Variants in TMEM9B observed in about 807,000 individuals in gnomAD.
TMEM9B encodes TMEM9 domain family member B, also known as transmembrane protein 9B.
TMEM9B carries 8 observed loss-of-function variants against 23.5 expected under a neutral mutation model. The ratio of observed to expected loss-of-function variants is 0.34; its 90% CI spans 0.20 to 0.61. TMEM9B has a LOEUF of 0.61. Among genes scored for constraint, TMEM9B ranks in the 20% least tolerant of loss-of-function variants. The probability of loss-of-function intolerance (pLI) is 0.78; values close to 1 mark genes in which losing one functional copy is unlikely to be tolerated. For missense variants in TMEM9B, 197 were observed against 252.3 expected, an observed-to-expected ratio of 0.78 and a Z score of 1.49; for synonymous variants, 106 against 96.3, an observed-to-expected ratio of 1.10 and a Z score of -0.59.
At chr11:8,953,143 C>T in intron 4 of TMEM9B, 60 bp downstream of exon 4, 2 of 1,610,238 alleles carry the variant, frequency 1.2e-6, no homozygotes, top group East Asian at 2.2e-5. Context: ...TTCACTTGCA[C>T]TTCACATCGA....
Position 8,964,223 on chromosome 11 carries a change from A to G in TMEM9B, c.91T>C (p.Ser31Pro). 1 of 1,584,294 alleles carries G rather than the reference A, an allele frequency of 6.3e-7. No homozygotes were observed. Among genetic ancestry groups the G allele is most frequent in the Non-Finnish European group, 8.6e-7 (1 of 1,166,206 alleles). The change falls in exon 1 of 5, where the codon TCA (serine) becomes CCA (proline). Residue 31 changes from serine to proline, a missense_variant. Coordinates refer to ENST00000534025, the MANE Select transcript of TMEM9B (RefSeq NM_020644.3). ...GCGGGACTCACCTTGGCGGCGTCTG[A>G]CAGCTGCGCCAGCAGCAGCACGGAA... Reference protein sequence around the residue: ...ALSVLLLAQLSDAAKNFEDVR... With the variant: ...ALSVLLLAQLPDAAKNFEDVR...
intron 3 of TMEM9B, 109 bp downstream of exon 3, chr11:8,956,081 C>T: frequency 1.2e-6 from 1 of 837,406 alleles, no homozygotes; most frequent in Non-Finnish European, 1.8e-6. Context: ...GCCCATTATT[C>T]CTTTTGGGGT....
At chr11:8,964,686 A>G (rs1176648213), upstream of TMEM9B, 3 of 216,148 alleles carry the variant, frequency 1.4e-5, no homozygotes, top group Non-Finnish European at 2.7e-5. Flanking sequence ...TGCGCTGGAA[A>G]GTCCTCCCGC....
At chr11:8,961,978 T>C in intron 2 of TMEM9B, 114 bp downstream of exon 2, 1 of 687,732 alleles carries the variant, frequency 1.5e-6, no homozygotes. Context: ...TTTCACATTT[T>C]TGCTTCAAAT....
At chr11:8,956,545 AAC>A (rs370895564) in intron 2 of TMEM9B, among the ~76,000 whole-genome samples, 4 of 152,186 alleles carry the variant, frequency 2.6e-5, no homozygotes, top group African/African-American at 9.7e-5. Context: ...TGCTACTGTT[AAC>A]AGTTACAAAA....
upstream of TMEM9B, chr11:8,964,615 C>A: frequency 2.0e-6 from 1 of 503,162 alleles, no homozygotes; most frequent in Non-Finnish European, 3.1e-6. Context: ...CCCAGTAGAG[C>A]TTTGCATCTC....
In TMEM9B at chr11:8,957,883, G is replaced by A. The variant is rs1009992403; in HGVS notation, c.198-1585C>T. ...AATTAAAAATTAATTTCAGCCGGGC[G>A]CAGTGGCTCATGCCTGTAATCCCAG... On this transcript the variant is annotated intron_variant, in intron 2 of 4. Transcript: ENST00000534025. The surrounding 1 kb of genome is among the most constrained non-coding windows in gnomAD (Gnocchi z 4.3). Among the ~76,000 whole-genome samples, 3 of 152,280 alleles carry A rather than the reference G, an allele frequency of 2.0e-5. No individual in the cohort carries two copies. Among genetic ancestry groups the A allele is most frequent in the Middle Eastern group, 3.4e-3 (1 of 294 alleles).
chr11:8,962,087 CT>C lies in TMEM9B; in HGVS notation c.197+4del. 1 of 1,550,356 alleles carries C rather than the reference CT, an allele frequency of 6.5e-7. No homozygotes were observed. The highest frequency in any genetic ancestry group is 8.8e-7 in the Non-Finnish European group (1 of 1,137,272). ...GACAGGTAATTCAGTAATCCAGATA[CT>C]TACCAATCTTTCTGAGATATGTTCT... On this transcript the variant is annotated splice_donor_region_variant and intron_variant, in intron 2 of 4. Coordinates refer to ENST00000534025, the MANE Select transcript of TMEM9B (RefSeq NM_020644.3).
At position 8,947,477 on chromosome 11, in the gene TMEM9B, G is replaced by A. The variant is rs941867621; in HGVS notation, c.*843C>T. 1 of 152,580 alleles carries A rather than the reference G, an allele frequency of 6.6e-6. No individual in the cohort carries two copies. The highest frequency in any genetic ancestry group is 2.4e-5 in the African/African-American group (1 of 41,410). The allele number at this position is 152,580 out of a possible 1,614,324, so 9.5% of individuals were successfully genotyped here. A position where few individuals can be genotyped will look rare whatever the true frequency, so the allele number is the denominator to read the frequency against. ...CACGACCGGAAATGCTGACAAATGT[G>A]TATATATTATCAATCCAGGGAGGCT... On this transcript the variant is annotated 3_prime_UTR_variant, in exon 5 of 5. Coordinates refer to ENST00000534025, the MANE Select transcript of TMEM9B (RefSeq NM_020644.3).
chr11:8,954,120 CATT>C (rs751819986), intron 3 of TMEM9B, among the ~76,000 whole-genome samples: 3 of 152,104 alleles, frequency 2.0e-5, no homozygotes, highest in Non-Finnish European at 4.4e-5. Context: ...ACATCAAAAA[CATT>C]GTGCTAAATG....
chr11:8,954,123 T>G (rs371626668), intron 3 of TMEM9B, among the ~76,000 whole-genome samples: 1 of 152,118 alleles, frequency 6.6e-6, no homozygotes, highest in East Asian at 1.9e-4. Context: ...TCAAAAACAT[T>G]GTGCTAAATG....
chr11:8,952,443 T>C (rs1853903796), intron 4 of TMEM9B, among the ~76,000 whole-genome samples: 3 of 152,082 alleles, frequency 2.0e-5, no homozygotes, highest in Non-Finnish European at 2.9e-5. Context: ...ACAGGCTTCT[T>C]GCTGTGTTGC....
At chr11:8,958,191 G>A (rs1793695634) in intron 2 of TMEM9B, among the ~76,000 whole-genome samples, 1 of 135,194 alleles carries the variant, frequency 7.4e-6, no homozygotes, top group Admixed American at 7.6e-5. Flanking sequence ...GGCCGGGTGT[G>A]GTGGCTCACG....
At chr11:8,950,139 G>GAA (rs1363799591) in intron 4 of TMEM9B, among the ~76,000 whole-genome samples, 11 of 139,778 alleles carry the variant, frequency 7.9e-5, no homozygotes, top group African/African-American at 2.9e-4. Flanking sequence ...AGCTAAAAAA[G>GAA]AAAAAAAAAA....
intron 1 of TMEM9B, among the ~76,000 whole-genome samples, chr11:8,963,760 G>A (rs545226764): frequency 6.6e-6 from 1 of 152,306 alleles, no homozygotes; most frequent in South Asian, 2.1e-4. Context: ...TGACAGGGAA[G>A]GCTCTGTCAG....
intron 2 of TMEM9B, 62 bp from the exon 3 acceptor site, chr11:8,956,360 A>G: frequency 1.5e-6 from 2 of 1,372,632 alleles, no homozygotes; most frequent in Non-Finnish European, 2.0e-6. Context: ...GCTCTGACCA[A>G]AAGTTTCCTG....
At chr11:8,961,451 C>T (rs1854079644) in intron 2 of TMEM9B, among the ~76,000 whole-genome samples, 1 of 152,212 alleles carries the variant, frequency 6.6e-6, no homozygotes, top group Non-Finnish European at 1.5e-5. Context: ...CTTCATGGCA[C>T]ACGTAGAAAA....
chr11:8,953,058 C>T, intron 4 of TMEM9B, 145 bp downstream of exon 4: 1 of 927,812 alleles, frequency 1.1e-6, no homozygotes, highest in Non-Finnish European at 1.7e-6. Flanking sequence ...GAGGTATATA[C>T]TGAAATCAGA....
At position 8,948,203 on chromosome 11, in the gene TMEM9B, C is replaced by G. The variant is rs528774748; in HGVS notation, c.*117G>C. ...CAAGTTTTTGCTTCCAGTTTTGAAT[C>G]TTCCAGCAACAGTTGGTGAAATCAA... On this transcript the variant is annotated 3_prime_UTR_variant, in exon 5 of 5. Coordinates refer to ENST00000534025, the MANE Select transcript of TMEM9B (RefSeq NM_020644.3). The G allele has an allele frequency of 6.3e-5, 83 of 1,323,026 alleles. No homozygotes were observed. The Middle Eastern group carries it at 2.1e-3, about 33-fold the overall frequency. 82.0% of individuals were successfully genotyped at this position (1,323,026 alleles called of 1,614,324 possible). A position where few individuals can be genotyped will look rare whatever the true frequency, so the allele number is the denominator to read the frequency against.
Sources: allele counts gnomAD v4.1 joint callset (sites outside exome capture counted in the v4.1 genomes callset), GRCh38; gene constraint gnomAD v4.1.1; non-coding constraint Gnocchi (gnomAD v3.1); transcripts MANE v1.5; gene names NCBI Gene and HGNC (gene_info 2026-07-23, HGNC 2026-07-21).